The following MAPRE3 variants were observed in gnomAD, a reference collection of about 807,000 sequenced individuals.
MAPRE3 encodes the protein microtubule-associated protein RP/EB family member 3.
Under a neutral mutation model 30.5 loss-of-function variants are expected in MAPRE3, and 2 were observed. The ratio of observed to expected loss-of-function variants is 0.07; its 90% CI spans 0.03 to 0.21. The LOEUF is 0.21. Ranked by LOEUF, MAPRE3 falls within the 10% of genes least tolerant of loss-of-function variation. The pLI is 1.00. For missense variants in MAPRE3, 204 were observed against 351.8 expected (o/e 0.58, Z 3.36); for synonymous variants, 110 against 127.7 (o/e 0.86, Z 0.93).
chr2:27,026,441 C>T lies in MAPRE3; in HGVS notation c.*93C>T, dbSNP rs991010021. ...ATAGTCCTTTCCTAACACGGTCGGC[C>T]GGGTGCTTTGTGTCAGTGCTGCAGC... is the stretch of plus-strand genomic sequence containing the variant. On this transcript the variant is annotated 3_prime_UTR_variant, in exon 7 of 7. Transcript: ENST00000233121. 80 of 1,155,394 alleles carry T rather than the reference C, an allele frequency of 6.9e-5. 1 individual carries two copies. The highest frequency in any genetic ancestry group is 9.5e-5 in the Non-Finnish European group (76 of 802,112). 71.6% of individuals were successfully genotyped at this position (1,155,394 alleles called of 1,614,324 possible). A position where few individuals can be genotyped will look rare whatever the true frequency, so the allele number is the denominator to read the frequency against.
chr2:27,026,093 G>T, intron 6 of MAPRE3, 61 bp downstream of exon 6: 1 of 1,593,750 alleles, frequency 6.3e-7, no homozygotes, highest in Non-Finnish European at 8.6e-7. Context: ...GACCAGAAGC[G>T]CGATAGGGCC....
At chr2:26,973,483 G>A (rs184982725) in intron 1 of MAPRE3, among the ~76,000 whole-genome samples, 60 of 152,028 alleles carry the variant, frequency 3.9e-4, no homozygotes, top group African/African-American at 1.4e-3. Context: ...GGCAGCAAAC[G>A]TCTTATGAGC....
At chr2:27,016,496 T>C (rs1328010048) in intron 1 of MAPRE3, among the ~76,000 whole-genome samples, 1 of 151,460 alleles carries the variant, frequency 6.6e-6, no homozygotes, top group Non-Finnish European at 1.5e-5. Context: ...GCCATTCTCC[T>C]GCCTCAGCCT....
In MAPRE3 at chr2:26,970,693, A is replaced by G. The variant is rs1255457814; in HGVS notation, c.-117A>G. The G allele has an allele frequency of 6.6e-6, 1 of 152,274 alleles. No homozygotes were observed. The highest frequency in any genetic ancestry group is 2.4e-5 in the African/African-American group (1 of 41,428). The allele number at this position is 152,274 out of a possible 1,614,324, so 9.4% of individuals were successfully genotyped here. A position where few individuals can be genotyped will look rare whatever the true frequency, so the allele number is the denominator to read the frequency against. On this transcript the variant is annotated 5_prime_UTR_variant, in exon 1 of 7. Coordinates refer to ENST00000233121, the MANE Select transcript of MAPRE3 (RefSeq NM_012326.4). The stretch of plus-strand genomic sequence containing the variant: ...TGAAGCCGGAGACCGCGGCGGCCTC[A>G]GCGAGGACCCTCCGCCCCGGAGCCG...
At chr2:27,022,850 A>G (rs535205685) in intron 2 of MAPRE3, 27 of 166,034 alleles carry the variant, frequency 1.6e-4, no homozygotes, top group African/African-American at 6.0e-4. Context: ...TGAAGTCAAG[A>G]AATGGAAGCA....
Position 27,022,347 on chromosome 2 carries a change from G to T in MAPRE3, c.121+8G>T. 6.2e-7 allele frequency: 1 copy of T among 1,612,926 alleles called. No individual in the cohort carries two copies. ...TAGAACAGCTTTGTTCAGGTAGGAG[G>T]CTGGGAATATGGGAAGTGGCCCTGC... is the stretch of plus-strand genomic sequence containing the variant. On this transcript the variant is annotated splice_region_variant and intron_variant, in intron 2 of 6. Coordinates refer to ENST00000233121, the MANE Select transcript of MAPRE3 (RefSeq NM_012326.4).
At chr2:27,023,618 T>C (rs1449518665) in intron 3 of MAPRE3, 141 bp downstream of exon 3, 3 of 968,968 alleles carry the variant, frequency 3.1e-6, no homozygotes, top group Admixed American at 4.1e-5. Flanking sequence ...CCAGAGGGAA[T>C]TTTCCCCCTG....
At chr2:26,992,677 C>T (rs1405112100) in intron 1 of MAPRE3, among the ~76,000 whole-genome samples, 2 of 152,130 alleles carry the variant, frequency 1.3e-5, no homozygotes, top group Non-Finnish European at 2.9e-5. Context: ...AAGATACTGC[C>T]TCATCCCTGC....
chr2:27,013,914 C>T (rs1003451374), intron 1 of MAPRE3: 1 of 152,266 alleles, frequency 6.6e-6, no homozygotes, highest in Admixed American at 6.5e-5. Context: ...ATCCTTCCAA[C>T]AGCCCCATGC....
intron 1 of MAPRE3, among the ~76,000 whole-genome samples, chr2:26,982,949 T>C (rs1234739149): frequency 6.6e-6 from 1 of 152,156 alleles, no homozygotes; most frequent in Admixed American, 6.5e-5. Context: ...GCAAAAGCAA[T>C]GTTTTGGACT....
At chr2:27,002,144 A>C (rs1189142375) in intron 1 of MAPRE3, 3 of 152,240 alleles carry the variant, frequency 2.0e-5, no homozygotes, top group African/African-American at 7.2e-5. Flanking sequence ...CAGGTAAGGA[A>C]GAAGGGTGTT....
At chr2:27,006,608 A>AT (rs1666735097) in intron 1 of MAPRE3, among the ~76,000 whole-genome samples, 1 of 151,814 alleles carries the variant, frequency 6.6e-6, no homozygotes, top group African/African-American at 2.4e-5. Context: ...TTTTTTTAAA[A>AT]TTTTTTGTAG....
chr2:27,014,050 G>A (rs955185179), intron 1 of MAPRE3: 9 of 152,136 alleles, frequency 5.9e-5, no homozygotes, highest in African/African-American at 2.2e-4. Flanking sequence ...GCCTTCTGCT[G>A]GGAGCCTTGG....
chr2:26,999,809 A>C (rs752455660), intron 1 of MAPRE3, among the ~76,000 whole-genome samples: 1 of 151,924 alleles, frequency 6.6e-6, no homozygotes, highest in Non-Finnish European at 1.5e-5. Context: ...GCCCAACTAC[A>C]TGCACTTTTA....
In MAPRE3 at chr2:26,987,019, G is replaced by A. The variant is rs567792250; in HGVS notation, c.-8+16217G>A. Among the ~76,000 whole-genome samples, 8 of 152,148 alleles carry A rather than the reference G, an allele frequency of 5.3e-5. No individual in the cohort carries two copies. In the South Asian group the frequency reaches 6.2e-4, roughly 12 times the overall value. On this transcript the variant is annotated intron_variant, in intron 1 of 6. Transcript: ENST00000233121. ...GTAATAGCTACCCTTGAAGTCAGACGGAATTACTTGAAGCGGTTTGGCTTC... is the reference window on the plus strand; with the variant it reads ...GTAATAGCTACCCTTGAAGTCAGACAGAATTACTTGAAGCGGTTTGGCTTC...
intron 1 of MAPRE3, among the ~76,000 whole-genome samples, chr2:26,995,829 G>GTGTGTGTGTGTGTA (rs1335864863): frequency 5.6e-4 from 83 of 147,116 alleles, no homozygotes; most frequent in African/African-American, 2.1e-3. Context: ...GTGTGTGTGT[G>GTGTGTGTGTGTGTA]TATGTGTGTG....
intron 1 of MAPRE3, among the ~76,000 whole-genome samples, chr2:27,010,439 CTTTTTTT>C (rs71401549): frequency 8.7e-6 from 1 of 115,506 alleles, no homozygotes; most frequent in Non-Finnish European, 1.7e-5. Context: ...ATCTGTATTT[CTTTTTTT>C]TTTTTTTTTT....
At chr2:26,971,329 G>T (rs144424643) in intron 1 of MAPRE3, among the ~76,000 whole-genome samples, 1 of 152,260 alleles carries the variant, frequency 6.6e-6, no homozygotes, top group Non-Finnish European at 1.5e-5. Flanking sequence ...TGCCTGGCTG[G>T]TTTGGGGAAG....
intron 4 of MAPRE3, 149 bp from the exon 5 acceptor site, chr2:27,025,434 C>T (rs1572776598): frequency 1.3e-6 from 1 of 760,328 alleles, no homozygotes; most frequent in East Asian, 2.8e-5. Flanking sequence ...CGGGGCCTAG[C>T]TGTAGATGCC....
Sources: gnomAD v4.1 joint callset for allele counts (sites outside exome capture counted in the v4.1 genomes callset) on GRCh38, gnomAD v4.1.1 for gene constraint, MANE v1.5 for transcripts, NCBI Gene and HGNC (gene_info 2026-07-23, HGNC 2026-07-21) for gene names.